The following CLTC variants were observed in gnomAD, a reference collection of about 807,000 sequenced individuals.
CLTC encodes clathrin heavy chain 1.
Under a neutral mutation model 195.8 loss-of-function variants are expected in CLTC, and 16 were observed. The ratio of observed to expected loss-of-function variants is 0.08; its 90% CI spans 0.06 to 0.12. CLTC has a LOEUF of 0.12. CLTC is among the 10% of genes least tolerant of loss of function. The pLI, the probability that CLTC is intolerant of heterozygous loss-of-function variation, is 1.00. For synonymous variants in CLTC, 667 were observed against 689.4 expected (o/e 0.97, Z 0.51); for missense variants, 796 against 2,027.0 (o/e 0.39, Z 11.66).
intron 14 of CLTC, 82 bp downstream of exon 14, chr17:59,669,022 T>C: frequency 7.8e-7 from 1 of 1,288,252 alleles, no homozygotes; most frequent in Non-Finnish European, 1.0e-6. Flanking sequence ...TTCAAAAATA[T>C]TTTTTCCCTA....
chr17:59,664,220 A>G (rs1344950235), intron 9 of CLTC, among the ~76,000 whole-genome samples: 1 of 152,246 alleles, frequency 6.6e-6, no homozygotes. Context: ...CACGTTTAAC[A>G]TGTTAGAACA....
chr17:59,630,860 C>T (rs979977050), intron 1 of CLTC, among the ~76,000 whole-genome samples: 1 of 152,202 alleles, frequency 6.6e-6, no homozygotes, highest in Non-Finnish European at 1.5e-5. Context: ...GTGTTGCAAA[C>T]ATTCATGTAC....
At chr17:59,636,310 T>A (rs1467386189) in intron 1 of CLTC, among the ~76,000 whole-genome samples, 4 of 152,182 alleles carry the variant, frequency 2.6e-5, no homozygotes, top group African/African-American at 9.7e-5. Flanking sequence ...GGATGGATAC[T>A]TTTTTTCCCT....
intron 1 of CLTC, among the ~76,000 whole-genome samples, chr17:59,637,634 G>A (rs965682848): frequency 1.2e-4 from 18 of 148,876 alleles, no homozygotes; most frequent in African/African-American, 4.5e-4. Context: ...AGGCTGAGGT[G>A]GGAGGATCCC....
At chr17:59,662,936 TAAGG>T (rs542634044) in intron 8 of CLTC, among the ~76,000 whole-genome samples, 70 of 152,250 alleles carry the variant, frequency 4.6e-4, no homozygotes, top group Middle Eastern at 3.4e-3. Context: ...TTTAAAAAGA[TAAGG>T]GAGGGTGAGA....
chr17:59,673,626 T>C (rs1567963394), intron 14 of CLTC, 21 bp from the exon 15 acceptor site: 2 of 1,598,026 alleles, frequency 1.3e-6, no homozygotes, highest in Admixed American at 3.4e-5. Flanking sequence ...TAAAGTTTCC[T>C]TTTGTTTGTC....
At chr17:59,625,489 G>A (rs138326207) in intron 1 of CLTC, among the ~76,000 whole-genome samples, 10 of 152,110 alleles carry the variant, frequency 6.6e-5, no homozygotes, top group Non-Finnish European at 1.2e-4. Flanking sequence ...ATCCTGGTCC[G>A]TATTTAGAGT....
chr17:59,660,689 G>C (rs964469731), intron 7 of CLTC, 101 bp downstream of exon 7: 73 of 1,152,012 alleles, frequency 6.3e-5, no homozygotes, highest in Non-Finnish European at 9.2e-5. Context: ...CAGATAAACT[G>C]TTTTTAGATT....
At chr17:59,689,439 G>A (rs952296934) in intron 30 of CLTC, 2 of 151,274 alleles carry the variant, frequency 1.3e-5, no homozygotes, top group Admixed American at 6.6e-5. Context: ...TTTTTTGAGT[G>A]ATTTTTCATA....
chr17:59,630,038 C>G (rs752544157), intron 1 of CLTC, among the ~76,000 whole-genome samples: 9 of 152,052 alleles, frequency 5.9e-5, no homozygotes, highest in Non-Finnish European at 1.0e-4. Flanking sequence ...GGGTCTTGCT[C>G]TGTCTCAAGT....
intron 1 of CLTC, among the ~76,000 whole-genome samples, chr17:59,641,296 G>A (rs2032025032): frequency 6.6e-6 from 1 of 151,824 alleles, no homozygotes; most frequent in African/African-American, 2.4e-5. Context: ...AGGAAAAGAA[G>A]GAATTACAGG....
At chr17:59,691,039 G>A (rs1225468257) in intron 31 of CLTC, among the ~76,000 whole-genome samples, 1 of 152,152 alleles carries the variant, frequency 6.6e-6, no homozygotes, top group African/African-American at 2.4e-5. Flanking sequence ...AAGAGCAAAA[G>A]GTGAGAGAAC....
intron 31 of CLTC, among the ~76,000 whole-genome samples, chr17:59,691,313 G>A (rs2143615282): frequency 6.6e-6 from 1 of 152,242 alleles, no homozygotes; most frequent in Non-Finnish European, 1.5e-5. Flanking sequence ...ACAATAACCA[G>A]GTGAGGGAAC....
chr17:59,669,125 T>G (rs2032791117), intron 14 of CLTC, among the ~76,000 whole-genome samples, 185 bp downstream of exon 14: 1 of 152,092 alleles, frequency 6.6e-6, no homozygotes, highest in Non-Finnish European at 1.5e-5. Flanking sequence ...GGAAGGAAAT[T>G]GGTGAGTAAG....
At chr17:59,664,030 A>C (rs1275367196) in intron 9 of CLTC, 36 bp downstream of exon 9, 1 of 1,567,948 alleles carries the variant, frequency 6.4e-7, no homozygotes, top group Non-Finnish European at 8.7e-7. Flanking sequence ...GCATGAATTC[A>C]TTGAAGCATT....
chr17:59,656,588 G>T (rs908281215), intron 6 of CLTC, among the ~76,000 whole-genome samples: 1 of 150,706 alleles, frequency 6.6e-6, no homozygotes, highest in African/African-American at 2.4e-5. Context: ...AATATTATCC[G>T]TTCTAAATTT....
At chr17:59,636,048 G>A (rs2031850202) in intron 1 of CLTC, among the ~76,000 whole-genome samples, 1 of 151,988 alleles carries the variant, frequency 6.6e-6, no homozygotes, top group Admixed American at 6.6e-5. Context: ...GCAGGAGAAT[G>A]GCTTGAACCC....
In CLTC at chr17:59,681,606, T is replaced by C. The variant is rs1275958453; in HGVS notation, c.3250-41T>C. ...TTAAATGTAATTGCTTTGGGTAGGA[T>C]TGATTTTACTCTAACCCTAATTTCA... On this transcript the variant is annotated intron_variant, in intron 20 of 31. Coordinates refer to ENST00000269122, the MANE Select transcript of CLTC (RefSeq NM_004859.4). This position sits in a 1 kb window ranked among gnomAD's most constrained non-coding sequence, Gnocchi z 5.0. 10 of 1,587,264 alleles carry C rather than the reference T, an allele frequency of 6.3e-6. No homozygotes were observed. The highest frequency in any genetic ancestry group is 8.6e-6 in the Non-Finnish European group (10 of 1,162,986).
intron 1 of CLTC, among the ~76,000 whole-genome samples, chr17:59,629,113 A>G (rs1041517597): frequency 2.0e-5 from 3 of 152,222 alleles, no homozygotes; most frequent in Admixed American, 6.5e-5. Context: ...TTAAAGATGA[A>G]TAATAAGGGG....
Sources: gnomAD v4.1 joint callset for allele counts (sites outside exome capture counted in the v4.1 genomes callset) on GRCh38, gnomAD v4.1.1 for gene constraint, Gnocchi (gnomAD v3.1) non-coding constraint, MANE v1.5 for transcripts, NCBI Gene and HGNC (gene_info 2026-07-23, HGNC 2026-07-21) for gene names.